Variants in ZNF786 observed in about 807,000 individuals in gnomAD.
ZNF786 encodes the protein zinc finger protein 786.
ZNF786 carries 56 observed loss-of-function variants against 63.1 expected under a neutral mutation model. The ratio of observed to expected loss-of-function variants is 0.89; its 90% CI spans 0.72 to 1.11. The LOEUF is 1.11. ZNF786 is among the 50% of genes least tolerant of loss of function. ZNF786 has a pLI of 0.00. For missense variants in ZNF786, 1,213 were observed against 1,041.8 expected, an observed-to-expected ratio of 1.16 and a Z score of -2.26; for synonymous variants, 485 against 406.9, an observed-to-expected ratio of 1.19 and a Z score of -2.31.
chr7:149,070,228 A>AAT lies in ZNF786; in HGVS notation c.*194_*195insAT. On this transcript the variant is annotated 3_prime_UTR_variant, in exon 4 of 4. Coordinates refer to ENST00000491431, the MANE Select transcript of ZNF786 (RefSeq NM_152411.4). ...TCCATCTTGGAAAAAAAAAAAAAAA[A>AAT]GAAAGAAATATAATTGGTGATGCTT... 1.5e-6 allele frequency: 1 copy of AAT among 667,784 alleles called. No homozygotes were observed. The highest frequency in any genetic ancestry group is 2.3e-6 in the Non-Finnish European group (1 of 428,366). The allele number at this position is 667,784 out of a possible 1,614,324, so 41.4% of individuals were successfully genotyped here. A position where few individuals can be genotyped will look rare whatever the true frequency, so the allele number is the denominator to read the frequency against.
chr7:149,088,089 G>A (rs978914900), intron 1 of ZNF786, among the ~76,000 whole-genome samples: 5 of 148,796 alleles, frequency 3.4e-5, no homozygotes, highest in African/African-American at 7.4e-5. Flanking sequence ...TGCAACCTCC[G>A]CCTCCGAGGT....
intron 1 of ZNF786, among the ~76,000 whole-genome samples, chr7:149,082,304 G>A (rs1280340789): frequency 6.6e-6 from 1 of 152,172 alleles, no homozygotes; most frequent in Non-Finnish European, 1.5e-5. Flanking sequence ...AGAGTTACTA[G>A]CAACTGGTTT....
Position 149,071,973 on chromosome 7 carries a change from G to A in ZNF786, c.799C>T (p.Pro267Ser). The A allele has an allele frequency of 6.2e-7, 1 of 1,612,522 alleles. No individual in the cohort carries two copies. The highest frequency in any genetic ancestry group is 8.5e-7 in the Non-Finnish European group (1 of 1,179,850). The change falls in exon 4 of 4, where the codon CCC (proline) becomes TCC (serine). Residue 267 changes from proline (P) to serine (S), a missense_variant. By Grantham distance (74) the Pro-to-Ser change is moderately conservative. Transcript: ENST00000491431. ...ATTTCACCGTCAGCGTTCCGGAAGG[G>A]GCCCCTCCCCGTGTGGGCCGCCAGA... is the stretch of plus-strand genomic sequence containing the variant. ...RHLAAHTGRG[P>S]FRNADGEMCF...
Position 149,071,043 on chromosome 7 carries a change from G to A in ZNF786, c.1729C>T (p.Gln577Ter), listed in dbSNP as rs767939873. The part of the protein sequence containing the change: ...CGECGKGFTR[Q>*]SKLTEHLRVH... The stretch of plus-strand genomic sequence containing the variant: ...CGCAAGTGCTCCGTGAGCTTGGATT[G>A]TCTGGTGAAGCCCTTGCCACACTCC... Residue 577 changes from glutamine to a stop codon, truncating the protein, a stop_gained, in exon 4 of 4, where the codon CAA (glutamine) becomes TAA (stop). Transcript: ENST00000491431. LOFTEE classifies it high-confidence loss of function. 1 of 1,612,374 alleles carries A rather than the reference G, an allele frequency of 6.2e-7. No homozygotes were observed. Among genetic ancestry groups the A allele is most frequent in the Non-Finnish European group, 8.5e-7 (1 of 1,179,778 alleles).
In ZNF786 at chr7:149,074,478, C is replaced by T; in HGVS notation, c.206G>A (p.Arg69Lys). Residue 69 changes from arginine (R) to lysine (K), a missense_variant, in exon 3 of 4, where the codon AGG becomes AAG. Arg to Lys is a conservative substitution (Grantham distance 26, BLOSUM62 2). Transcript: ENST00000491431. ...TGATTTCTGTGATTCTCTCCATTTCCTGAAGGGCTCTCCCCCGTGTTCAAT... is the reference window on the plus strand; with the variant it reads ...TGATTTCTGTGATTCTCTCCATTTCTTGAAGGGCTCTCCCCCGTGTTCAAT... ...SWIEHGGEPF[R>K]KWRESQKSGN... 2 of 1,613,908 alleles carry T rather than the reference C, an allele frequency of 1.2e-6. No individual in the cohort carries two copies. Among genetic ancestry groups the T allele is most frequent in the Non-Finnish European group, 8.5e-7 (1 of 1,179,876 alleles).
chr7:149,088,026 C>G (rs115887229), intron 1 of ZNF786, among the ~76,000 whole-genome samples: 10 of 147,702 alleles, frequency 6.8e-5, no homozygotes, highest in Non-Finnish European at 1.5e-5. Flanking sequence ...CTTTCGAGAC[C>G]GAGTCTTGCT....
At chr7:149,087,561 CTT>C (rs1825758293) in intron 1 of ZNF786, among the ~76,000 whole-genome samples, 1 of 152,150 alleles carries the variant, frequency 6.6e-6, no homozygotes, top group South Asian at 2.1e-4. Context: ...GGGTGAGAAA[CTT>C]TGTACTATGT....
At position 149,071,474 on chromosome 7, in the gene ZNF786, C is replaced by A. The variant is rs1464193795; in HGVS notation, c.1298G>T (p.Gly433Val). ...CGTGAGTTTACACTGCTTGGCGAAG[C>A]CCTTGCCACACTTCCTGCAGGAGAA... ...RPFSCRKCGKGFAKQCKLTEH... is the reference protein window; with the variant it reads ...RPFSCRKCGKVFAKQCKLTEH... Residue 433 changes from glycine (G) to valine (V), a missense_variant, in exon 4 of 4, where the codon GGC becomes GTC. Physicochemically the swap from Gly to Val is moderately radical, Grantham distance 109 (BLOSUM62 -3). Transcript: ENST00000491431. The A allele has an allele frequency of 1.2e-6, 2 of 1,613,228 alleles. No homozygotes were observed. The highest frequency in any genetic ancestry group is 1.7e-6 in the Non-Finnish European group (2 of 1,179,858).
intron 1 of ZNF786, among the ~76,000 whole-genome samples, chr7:149,089,618 G>A (rs552284751): frequency 2.0e-5 from 3 of 150,642 alleles, no homozygotes; most frequent in Non-Finnish European, 4.4e-5. Context: ...CGCCTGGCCT[G>A]AATGTCACAA....
At chr7:149,084,326 T>C (rs1026748616) in intron 1 of ZNF786, among the ~76,000 whole-genome samples, 1 of 129,958 alleles carries the variant, frequency 7.7e-6, no homozygotes, top group East Asian at 2.2e-4. Flanking sequence ...GGCACCAGCC[T>C]GGACAACAGA....
At position 149,070,317 on chromosome 7, in the gene ZNF786, AGGATACCT is replaced by A; in HGVS notation, c.*98_*105del. On this transcript the variant is annotated 3_prime_UTR_variant, in exon 4 of 4. Transcript: ENST00000491431. Reference sequence around the variant, plus strand: ...CTTGCATGACACTCTTGCTCAAAGAAGGATACCTGCTCCTAAAACCCGTCTACCAGCGG... The same window carrying A: ...CTTGCATGACACTCTTGCTCAAAGAAGCTCCTAAAACCCGTCTACCAGCGG... The A allele has an allele frequency of 1.4e-6, 2 of 1,452,648 alleles. No individual in the cohort carries two copies. The highest frequency in any genetic ancestry group is 1.9e-6 in the Non-Finnish European group (2 of 1,075,482). The allele number at this position is 1,452,648 out of a possible 1,614,324, so 90.0% of individuals were successfully genotyped here. A position where few individuals can be genotyped will look rare whatever the true frequency, so the allele number is the denominator to read the frequency against.
At chr7:149,089,503 G>A (rs1388843738) in intron 1 of ZNF786, among the ~76,000 whole-genome samples, 1 of 151,830 alleles carries the variant, frequency 6.6e-6, no homozygotes, top group African/African-American at 2.4e-5. Flanking sequence ...TTTTAGTAGA[G>A]ACAGTTTTTC....
intron 1 of ZNF786, chr7:149,081,304 C>T (rs552284460): frequency 3.0e-5 from 11 of 372,318 alleles, no homozygotes; most frequent in African/African-American, 1.1e-4. Context: ...GGTGTGGTGG[C>T]GTGCACCTGT....
Position 149,074,381 on chromosome 7 carries a change from C to G in ZNF786, c.298+5G>C, listed in dbSNP as rs940500712. 1 of 1,613,370 alleles carries G rather than the reference C, an allele frequency of 6.2e-7. No individual in the cohort carries two copies. Among genetic ancestry groups the G allele is most frequent in the Non-Finnish European group, 8.5e-7 (1 of 1,179,596 alleles). On this transcript the variant is annotated splice_donor_5th_base_variant and intron_variant, in intron 3 of 3. Transcript: ENST00000491431. ...AGGTCGGGGCCCTGATTTCTTAATA[C>G]TCACCCCAAAACAGCTGTTCCTCAA... is the stretch of plus-strand genomic sequence containing the variant.
rs1825381145 is a variant in ZNF786 at position 149,070,498 on chromosome 7, A to G, written c.2274T>C (p.Cys758=). The G allele has an allele frequency of 6.2e-7, 1 of 1,614,048 alleles. No individual in the cohort carries two copies. Among genetic ancestry groups the G allele is most frequent in the Non-Finnish European group, 8.5e-7 (1 of 1,179,902 alleles). ...AEHIRVHTKS[C]PAPNELDIKK... is the part of the protein sequence containing the mutation. ...TAATGTCCAGTTCATTTGGAGCAGG[A>G]CAGGATTTTGTGTGTACTCTGATGT... The change falls in exon 4 of 4, where the codon TGT becomes TGC. Residue 758 remains cysteine, a synonymous_variant. Coordinates refer to ENST00000491431, the MANE Select transcript of ZNF786 (RefSeq NM_152411.4).
chr7:149,076,113 G>A (rs1825543404), intron 2 of ZNF786, among the ~76,000 whole-genome samples: 1 of 151,670 alleles, frequency 6.6e-6, no homozygotes, highest in African/African-American at 2.4e-5. Context: ...AATGTTGCTG[G>A]GTTTTTGTTT....
chr7:149,088,957 CT>C (rs34834738), intron 1 of ZNF786, among the ~76,000 whole-genome samples: 79,889 of 122,310 alleles, frequency 0.65, 24,328 homozygotes, highest in East Asian at 0.89. Context: ...TGTTGAGTTT[CT>C]TTTTTTTTTT....
intron 1 of ZNF786, among the ~76,000 whole-genome samples, chr7:149,086,123 TA>T (rs2129516883): frequency 6.6e-6 from 1 of 152,338 alleles, no homozygotes. Flanking sequence ...CTTTTTGTTA[TA>T]TTCATTATGA....
At chr7:149,080,325 T>G (rs1585467584) in intron 2 of ZNF786, among the ~76,000 whole-genome samples, 3 of 152,300 alleles carry the variant, frequency 2.0e-5, no homozygotes, top group Admixed American at 6.5e-5. Context: ...GGCATCCTGA[T>G]AGTCATGACT....
Sources: gnomAD v4.1 joint callset for allele counts (sites outside exome capture counted in the v4.1 genomes callset) on GRCh38, gnomAD v4.1.1 for gene constraint, MANE v1.5 for transcripts, NCBI Gene and HGNC (gene_info 2026-07-23, HGNC 2026-07-21) for gene names.